The following SH3GL1 variants were observed in gnomAD, a reference collection of about 807,000 sequenced individuals.
SH3GL1 encodes SH3 domain containing GRB2 like 1, endophilin A2, also known as endophilin-A2.
A neutral mutation model predicts 48.8 loss-of-function variants in SH3GL1; 21 were observed. The ratio of observed to expected loss-of-function variants is 0.43; its 90% CI spans 0.30 to 0.62. The LOEUF (loss-of-function observed/expected upper bound fraction) is 0.62. Among genes scored for constraint, SH3GL1 ranks in the 20% least tolerant of loss-of-function variants. The pLI, the probability that SH3GL1 is intolerant of heterozygous loss-of-function variation, is 0.11. For synonymous variants in SH3GL1, 282 were observed against 217.5 expected, an observed-to-expected ratio of 1.30 and a Z score of -2.61; for missense variants, 454 against 503.0, an observed-to-expected ratio of 0.90 and a Z score of 0.93.
At chr19:4,362,285 CGAG>C (rs1972639071) in intron 9 of SH3GL1, 41 bp downstream of exon 9, 1 of 1,590,288 alleles carries the variant, frequency 6.3e-7, no homozygotes, top group African/African-American at 1.3e-5. Context: ...CCCGAATGGC[CGAG>C]AAGGCAGCAC....
chr19:4,365,434 TGTG>T (rs770283431), intron 4 of SH3GL1, 45 bp downstream of exon 4: 20 of 1,610,546 alleles, frequency 1.2e-5, no homozygotes, highest in Middle Eastern at 2.1e-4. Context: ...TGTGTTGAGG[TGTG>T]GCCTCCAGGG....
At chr19:4,364,898 G>GTGTGTGTGTGTGTGTA (rs1157007038) in intron 4 of SH3GL1, among the ~76,000 whole-genome samples, 9 of 96,042 alleles carry the variant, frequency 9.4e-5, no homozygotes, top group Middle Eastern at 9.6e-3. Context: ...GTGTGTGTGT[G>GTGTGTGTGTGTGTGTA]TATATATATA....
In SH3GL1 at chr19:4,362,457, G is replaced by A. The variant is rs1031660410; in HGVS notation, c.854-72C>T. 1.3e-5 allele frequency: 21 copies of A among 1,571,988 alleles called. No homozygotes were observed. In the African/African-American group the frequency reaches 2.6e-4, roughly 19 times the overall value. ...CAGGGCCCCTTCTGCAGAAGGCTGG[G>A]GCCAGCCCTTCCCGTCTGCCTTGGC... On this transcript the variant is annotated intron_variant, in intron 8 of 9. Coordinates refer to ENST00000269886, the MANE Select transcript of SH3GL1 (RefSeq NM_003025.4).
intron 4 of SH3GL1, among the ~76,000 whole-genome samples, chr19:4,364,910 ATATATAT>A (rs1972735986): frequency 1.2e-5 from 1 of 81,676 alleles, no homozygotes; most frequent in African/African-American, 6.0e-5. Context: ...ATATATATAT[ATATATAT>A]TTTTTTTTTT....
chr19:4,374,246 G>A (rs1239812978), intron 1 of SH3GL1, among the ~76,000 whole-genome samples: 2 of 152,252 alleles, frequency 1.3e-5, no homozygotes, highest in East Asian at 3.9e-4. Flanking sequence ...CGCAGACGAA[G>A]TGGTGACAGC....
At chr19:4,379,883 A>G (rs959540671) in intron 1 of SH3GL1, among the ~76,000 whole-genome samples, 1 of 152,208 alleles carries the variant, frequency 6.6e-6, no homozygotes, top group Non-Finnish European at 1.5e-5. Context: ...CTCTGTTGTC[A>G]TCGCCCCAAA....
At position 4,365,636 on chromosome 19, in the gene SH3GL1, A is replaced by G; in HGVS notation, c.188-11T>C. 1 of 1,613,620 alleles carries G rather than the reference A, an allele frequency of 6.2e-7. No individual in the cohort carries two copies. The highest frequency in any genetic ancestry group is 1.1e-5 in the South Asian group (1 of 91,084). On this transcript the variant is annotated splice_polypyrimidine_tract_variant and intron_variant, in intron 3 of 9. Coordinates refer to ENST00000269886, the MANE Select transcript of SH3GL1 (RefSeq NM_003025.4). ...GCTTAGCCCGCGAGGCTGGGATAGG[A>G]TGGCCAGGTGGGTGTGGGCTGTGAG...
intron 1 of SH3GL1, among the ~76,000 whole-genome samples, chr19:4,385,730 G>A (rs1012521151): frequency 1.3e-5 from 2 of 152,204 alleles, no homozygotes; most frequent in Admixed American, 1.3e-4. Context: ...TGGGAAGGCT[G>A]GGAGTGGGAG....
In SH3GL1 at chr19:4,361,363, A is replaced by C; in HGVS notation, c.*237T>G. The C allele has an allele frequency of 5.7e-6, 3 of 528,208 alleles. No homozygotes were observed. Among genetic ancestry groups the C allele is most frequent in the Non-Finnish European group, 1.0e-5 (3 of 297,258 alleles). 32.7% of individuals were successfully genotyped at this position (528,208 alleles called of 1,614,324 possible). A position where few individuals can be genotyped will look rare whatever the true frequency, so the allele number is the denominator to read the frequency against. ...GGAGGCTGGCGCCATGGAGTGGGGA[A>C]GGGAGCCGTCACCGTTGGGAGTCAG... On this transcript the variant is annotated 3_prime_UTR_variant, in exon 10 of 10. Coordinates refer to ENST00000269886, the MANE Select transcript of SH3GL1 (RefSeq NM_003025.4).
intron 8 of SH3GL1, 60 bp from the exon 9 acceptor site, chr19:4,362,445 G>A: frequency 6.3e-7 from 1 of 1,580,112 alleles, no homozygotes; most frequent in Non-Finnish European, 8.6e-7. Flanking sequence ...GGCCCCTTCT[G>A]CAGAAGGCTG....
Position 4,400,546 on chromosome 19 carries a change from T to C in SH3GL1, c.-178A>G, listed in dbSNP as rs1973507143. 1.0e-5 allele frequency: 3 copies of C among 300,506 alleles called. No individual in the cohort carries two copies. In the Admixed American group the frequency reaches 1.9e-4, roughly 19 times the overall value. 18.6% of individuals were successfully genotyped at this position (300,506 alleles called of 1,614,324 possible). On this transcript the variant is annotated 5_prime_UTR_variant, in exon 1 of 10. Transcript: ENST00000269886. The surrounding 1 kb of genome is among the most constrained non-coding windows in gnomAD (Gnocchi z 4.1). ...CTCGCGCGCCCGCGCGGCCAGGATATTACATGGCAACCGCACGCTTCCGGT... is the reference window on the plus strand; with the variant it reads ...CTCGCGCGCCCGCGCGGCCAGGATACTACATGGCAACCGCACGCTTCCGGT...
intron 1 of SH3GL1, among the ~76,000 whole-genome samples, chr19:4,397,261 C>T (rs1271653201): frequency 6.6e-6 from 1 of 152,210 alleles, no homozygotes; most frequent in Non-Finnish European, 1.5e-5. Context: ...GCCAAGACGA[C>T]AGCCCCGAGG....
rs1189827883 is a variant in SH3GL1, at chr19:4,364,240, G to A, written c.332-19C>T. ...GCGTCACCTGTGGAGAAGTGGTGGG[G>A]GAAGCCATCATACCGGGCCTGGGAC... On this transcript the variant is annotated intron_variant, in intron 4 of 9. Coordinates refer to ENST00000269886, the MANE Select transcript of SH3GL1 (RefSeq NM_003025.4). 2 of 1,613,734 alleles carry A rather than the reference G, an allele frequency of 1.2e-6. No individual in the cohort carries two copies. The highest frequency in any genetic ancestry group is 1.7e-5 in the Admixed American group (1 of 60,026).
chr19:4,393,700 G>A (rs779863688), intron 1 of SH3GL1, among the ~76,000 whole-genome samples: 2 of 151,992 alleles, frequency 1.3e-5, no homozygotes, highest in African/African-American at 2.4e-5. Flanking sequence ...TGAGGCAGAA[G>A]AATTGCTTGA....
In SH3GL1 at chr19:4,388,861, G is replaced by A. The variant is rs1002544695; in HGVS notation, c.45+11463C>T. On this transcript the variant is annotated intron_variant, in intron 1 of 9. Transcript: ENST00000269886. ...GGCCCTCGGACCTGGCCAAGTTCAG[G>A]TGACTGTCAGCTGCAGCCCTGGAGC... Among the ~76,000 whole-genome samples, 7 of 152,236 alleles carry A rather than the reference G, an allele frequency of 4.6e-5. No individual in the cohort carries two copies. The East Asian group carries it at 5.8e-4, about 13-fold the overall frequency.
Position 4,363,792 on chromosome 19 carries a change from G to C in SH3GL1, c.552C>G (p.Arg184=), listed in dbSNP as rs1215776515. The change falls in exon 6 of 10, where the codon CGC becomes CGG. Residue 184 remains arginine (R), a synonymous_variant. Coordinates refer to ENST00000269886, the MANE Select transcript of SH3GL1 (RefSeq NM_003025.4). ...ACTCCTCGAACTTCTCCAGCGCCTG[G>C]CGTAGCTCCTCATCGGGGATCTTGC... ...RQGKIPDEEL[R]QALEKFEESK... The C allele has an allele frequency of 1.2e-6, 2 of 1,613,694 alleles. No homozygotes were observed. Among genetic ancestry groups the C allele is most frequent in the African/African-American group, 2.7e-5 (2 of 74,934 alleles).
intron 1 of SH3GL1, among the ~76,000 whole-genome samples, chr19:4,374,476 A>C (rs943318350): frequency 6.6e-6 from 1 of 152,220 alleles, no homozygotes; most frequent in African/African-American, 2.4e-5. Flanking sequence ...TGCCTTTCTG[A>C]TGAGGCCTCC....
chr19:4,379,011 G>A (rs1314541590), intron 1 of SH3GL1, among the ~76,000 whole-genome samples: 1 of 152,252 alleles, frequency 6.6e-6, no homozygotes, highest in East Asian at 1.9e-4. Flanking sequence ...CTGGCTGATC[G>A]TGCACGAAAT....
intron 1 of SH3GL1, among the ~76,000 whole-genome samples, chr19:4,373,335 C>T (rs1348867814): frequency 6.6e-6 from 1 of 152,222 alleles, no homozygotes; most frequent in Non-Finnish European, 1.5e-5. Context: ...CGGGGCTCCC[C>T]TCAGCATCTG....
Sources: allele counts gnomAD v4.1 joint callset (sites outside exome capture counted in the v4.1 genomes callset), GRCh38; gene constraint gnomAD v4.1.1; non-coding constraint Gnocchi (gnomAD v3.1); transcripts MANE v1.5; gene names NCBI Gene and HGNC (gene_info 2026-07-23, HGNC 2026-07-21).